Variants in SGCD observed in about 807,000 individuals in gnomAD.
The protein encoded by SGCD is sarcoglycan delta, also known as delta-sarcoglycan.
Under a neutral mutation model 36.6 loss-of-function variants are expected in SGCD, and 18 were observed. The observed-to-expected ratio is 0.49, with a 90% CI of 0.34 to 0.73. The LOEUF is 0.73. Ranked by LOEUF, SGCD falls within the 30% of genes least tolerant of loss-of-function variation. SGCD has a pLI of 0.01. For missense variants in SGCD, 387 were observed against 346.7 expected, an observed-to-expected ratio of 1.12 and a Z score of -0.92; for synonymous variants, 133 against 130.6, an observed-to-expected ratio of 1.02 and a Z score of -0.12.
At chr5:156,300,370 T>C (rs1009628648) in intron 3 of SGCD, among the ~76,000 whole-genome samples, 1 of 152,222 alleles carries the variant, frequency 6.6e-6, no homozygotes, top group African/African-American at 2.4e-5. Context: ...AATCTCTTCA[T>C]TGACCCACTC....
At chr5:156,393,710 G>A (rs1180068896) in intron 3 of SGCD, 1 of 456,128 alleles carries the variant, frequency 2.2e-6, no homozygotes, top group Non-Finnish European at 4.4e-6. Context: ...TTGGTACATA[G>A]TTACTAACAA....
intron 3 of SGCD, among the ~76,000 whole-genome samples, chr5:156,440,972 T>G (rs1443869491): frequency 1.3e-5 from 2 of 152,132 alleles, no homozygotes; most frequent in East Asian, 3.9e-4. Context: ...GTAAAATTCA[T>G]TGATTTTTAT....
chr5:156,021,767 C>A (rs1256938889), intron 1 of SGCD, among the ~76,000 whole-genome samples: 2 of 151,882 alleles, frequency 1.3e-5, no homozygotes, highest in African/African-American at 2.4e-5. Flanking sequence ...ATCTCAGGAG[C>A]CAGAGGAAGG....
chr5:156,131,553 G>A (rs1762324480), intron 3 of SGCD, among the ~76,000 whole-genome samples: 3 of 152,158 alleles, frequency 2.0e-5, no homozygotes, highest in Admixed American at 2.0e-4. Flanking sequence ...GTTGTATGTG[G>A]CAGCTCAGGG....
chr5:155,792,644 A>C, the SGCD span, among the ~76,000 whole-genome samples: 1 of 152,160 alleles, frequency 6.6e-6, no homozygotes, highest in Non-Finnish European at 1.5e-5. Flanking sequence ...GCCAACAAAC[A>C]TATGAAAAAA....
intron 3 of SGCD, among the ~76,000 whole-genome samples, chr5:156,393,542 G>A (rs908563373): frequency 1.1e-4 from 17 of 151,888 alleles, no homozygotes; most frequent in South Asian, 1.0e-3. Flanking sequence ...TCTGTGTAGC[G>A]GTGGACGCAC....
intron 3 of SGCD, among the ~76,000 whole-genome samples, chr5:156,287,417 C>T (rs1766637089): frequency 6.6e-6 from 1 of 151,942 alleles, no homozygotes; most frequent in African/African-American, 2.4e-5. Flanking sequence ...TAGAAAGGCG[C>T]ATGAAACCGA....
intron 7 of SGCD, among the ~76,000 whole-genome samples, chr5:156,726,697 C>A (rs1450805352): frequency 3.9e-5 from 6 of 152,176 alleles, no homozygotes; most frequent in Non-Finnish European, 8.8e-5. Flanking sequence ...CATGGGTTAG[C>A]CGCGCCAGGC....
intron 8 of SGCD, 57 bp from the exon 9 acceptor site, chr5:156,759,160 C>T: frequency 7.4e-7 from 1 of 1,354,742 alleles, no homozygotes; most frequent in Non-Finnish European, 1.1e-6. Flanking sequence ...TTCTGAATGT[C>T]AAGAGAAGAG....
intron 3 of SGCD, among the ~76,000 whole-genome samples, chr5:156,377,041 A>G (rs1770709184): frequency 6.6e-6 from 1 of 152,190 alleles, no homozygotes; most frequent in Non-Finnish European, 1.5e-5. Context: ...AAATATCTTG[A>G]AACCACTAAA....
intron 3 of SGCD, among the ~76,000 whole-genome samples, chr5:156,129,878 T>A (rs898107204): frequency 2.0e-5 from 3 of 152,218 alleles, no homozygotes; most frequent in Non-Finnish European, 1.5e-5. Context: ...ATTTTCTTTA[T>A]CCAATCTGCC....
At chr5:156,581,931 A>C (rs1442668778) in intron 4 of SGCD, among the ~76,000 whole-genome samples, 1 of 152,140 alleles carries the variant, frequency 6.6e-6, no homozygotes, top group African/African-American at 2.4e-5. Context: ...GGCTGCACCC[A>C]CTGTCCAACC....
At chr5:156,578,451 C>T (rs1476250563) in intron 4 of SGCD, among the ~76,000 whole-genome samples, 2 of 152,198 alleles carry the variant, frequency 1.3e-5, no homozygotes, top group South Asian at 2.1e-4. Flanking sequence ...GGAGGATTCC[C>T]TCTTTTTCTA....
At chr5:156,508,336 C>G (rs1200047112) in intron 3 of SGCD, among the ~76,000 whole-genome samples, 1 of 152,068 alleles carries the variant, frequency 6.6e-6, no homozygotes, top group African/African-American at 2.4e-5. Context: ...AATTGCCCCC[C>G]ACCCCAATCT....
intron 3 of SGCD, among the ~76,000 whole-genome samples, chr5:156,266,905 G>A (rs1009411660): frequency 2.0e-5 from 3 of 151,950 alleles, no homozygotes; most frequent in Admixed American, 1.3e-4. Context: ...AGCTCAGCAT[G>A]TTGGGTCTCC....
the SGCD span, among the ~76,000 whole-genome samples, chr5:155,753,619 C>T: frequency 6.6e-6 from 1 of 152,042 alleles, no homozygotes; most frequent in African/African-American, 2.4e-5. Flanking sequence ...TTATTCTGAC[C>T]AGGAGTGGGG....
chr5:156,144,580 G>T (rs1180818469), intron 3 of SGCD, among the ~76,000 whole-genome samples: 1 of 152,138 alleles, frequency 6.6e-6, no homozygotes, highest in African/African-American at 2.4e-5. Context: ...CTTGTTGATG[G>T]GGTTGTTTGT....
intron 3 of SGCD, among the ~76,000 whole-genome samples, chr5:156,230,313 G>A (rs1764983433): frequency 6.6e-6 from 1 of 152,156 alleles, no homozygotes; most frequent in Non-Finnish European, 1.5e-5. Context: ...GGTAGGCTCT[G>A]TCAGAGGAAA....
At chr5:155,949,189 A>G (rs1186971352) in intron 1 of SGCD, among the ~76,000 whole-genome samples, 1 of 152,196 alleles carries the variant, frequency 6.6e-6, no homozygotes, top group East Asian at 1.9e-4. Flanking sequence ...TTAAACCAAT[A>G]TCCCTTTTCT....
Sources: gnomAD v4.1 joint callset for allele counts (sites outside exome capture counted in the v4.1 genomes callset) on GRCh38, gnomAD v4.1.1 for gene constraint, MANE v1.5 for transcripts, NCBI Gene and HGNC (gene_info 2026-07-23, HGNC 2026-07-21) for gene names.